CAMTA1: variants seen among roughly 807,000 people sequenced by gnomAD.
CAMTA1 encodes calmodulin binding transcription activator 1.
A neutral mutation model predicts 170.9 loss-of-function variants in CAMTA1; 27 were observed. The ratio of observed to expected loss-of-function variants is 0.16; its 90% CI spans 0.12 to 0.22. CAMTA1 has a LOEUF of 0.22. Among genes scored for constraint, CAMTA1 ranks in the 10% least tolerant of loss-of-function variants. The probability of loss-of-function intolerance (pLI) is 1.00; values close to 1 mark genes in which losing one functional copy is unlikely to be tolerated. For missense variants in CAMTA1, 1,619 were observed against 2,217.2 expected (o/e 0.73, Z 5.42); for synonymous variants, 833 against 891.5 (o/e 0.93, Z 1.17).
intron 5 of CAMTA1, among the ~76,000 whole-genome samples, chr1:7,308,063 T>TG (rs1286697895): frequency 6.8e-6 from 1 of 146,218 alleles, no homozygotes; most frequent in African/African-American, 2.7e-5. Flanking sequence ...TTGTTGTTGT[T>TG]TTTTTTTAAA....
intron 5 of CAMTA1, among the ~76,000 whole-genome samples, chr1:7,407,800 G>T (rs544176045): frequency 6.6e-6 from 1 of 152,072 alleles, no homozygotes; most frequent in South Asian, 2.1e-4. Flanking sequence ...ATGGATGTAG[G>T]TGACCAAGGC....
At chr1:6,940,392 C>T (rs1401205825) in intron 3 of CAMTA1, among the ~76,000 whole-genome samples, 1 of 151,908 alleles carries the variant, frequency 6.6e-6, no homozygotes, top group South Asian at 2.1e-4. Flanking sequence ...CACCTTTCTG[C>T]TCTACTCAGA....
chr1:7,555,219 G>A (rs1367099050), intron 6 of CAMTA1, among the ~76,000 whole-genome samples: 1 of 152,118 alleles, frequency 6.6e-6, no homozygotes, highest in Non-Finnish European at 1.5e-5. Context: ...TTTAGAACTA[G>A]AGGAAACTGA....
In CAMTA1 at chr1:7,293,973, C is replaced by G. The variant is rs1007492279; in HGVS notation, c.438+44347C>G. On this transcript the variant is annotated intron_variant, in intron 5 of 22. Coordinates refer to ENST00000303635, the MANE Select transcript of CAMTA1 (RefSeq NM_015215.4). The surrounding 1 kb of genome is among the most constrained non-coding windows in gnomAD (Gnocchi z 4.1). Reference sequence around the variant, plus strand: ...CACCTGTTAAAGCTTGCAAAGATATCATCGGCAGGCATTTTCCCAGGGGAA... The same window carrying G: ...CACCTGTTAAAGCTTGCAAAGATATGATCGGCAGGCATTTTCCCAGGGGAA... Among the ~76,000 whole-genome samples the G allele has an allele frequency of 6.6e-6, 1 of 152,226 alleles. No individual in the cohort carries two copies. Among genetic ancestry groups the G allele is most frequent in the African/African-American group, 2.4e-5 (1 of 41,466 alleles).
intron 5 of CAMTA1, among the ~76,000 whole-genome samples, chr1:7,295,933 C>T (rs1004180130): frequency 6.6e-6 from 1 of 152,256 alleles, no homozygotes; most frequent in East Asian, 1.9e-4. Context: ...GATCCTCCCA[C>T]TCAGGGCTCC....
At chr1:7,507,758 C>T (rs1208499109) in intron 6 of CAMTA1, among the ~76,000 whole-genome samples, 1 of 152,204 alleles carries the variant, frequency 6.6e-6, no homozygotes, top group East Asian at 1.9e-4. Flanking sequence ...CAGATAAGAG[C>T]AGACCTGGAC....
At chr1:7,750,193 T>G (rs1173200478) in intron 19 of CAMTA1, among the ~76,000 whole-genome samples, 1 of 152,156 alleles carries the variant, frequency 6.6e-6, no homozygotes, top group Non-Finnish European at 1.5e-5. Flanking sequence ...TTCAGACCAG[T>G]GAAAAGGTAA....
At chr1:7,614,667 G>GAAAC (rs1558005909) in intron 6 of CAMTA1, among the ~76,000 whole-genome samples, 1 of 152,020 alleles carries the variant, frequency 6.6e-6, no homozygotes, top group Non-Finnish European at 1.5e-5. Flanking sequence ...AACAAATTTC[G>GAAAC]AGAACCTATA....
intron 11 of CAMTA1, chr1:7,698,755 C>T (rs1558153346): frequency 6.6e-6 from 1 of 152,126 alleles, no homozygotes; most frequent in East Asian, 2.0e-4. Flanking sequence ...CCAGCAGGGA[C>T]TTTACAGACT....
intron 6 of CAMTA1, among the ~76,000 whole-genome samples, chr1:7,493,454 T>C (rs1164453043): frequency 6.8e-6 from 1 of 145,996 alleles, no homozygotes; most frequent in African/African-American, 2.6e-5. Flanking sequence ...CAAACACACG[T>C]GCAAACACAC....
At chr1:6,836,749 CAT>C (rs1466264129) in intron 3 of CAMTA1, among the ~76,000 whole-genome samples, 7 of 152,232 alleles carry the variant, frequency 4.6e-5, no homozygotes, top group African/African-American at 1.7e-4. Flanking sequence ...TAAAGGCTCT[CAT>C]GTGCAAGAAA....
intron 3 of CAMTA1, among the ~76,000 whole-genome samples, chr1:6,972,188 G>C (rs1025230939): frequency 6.6e-6 from 1 of 152,148 alleles, no homozygotes; most frequent in Non-Finnish European, 1.5e-5. Context: ...TGACTGCCCT[G>C]TCACCCCAGT....
intron 11 of CAMTA1, among the ~76,000 whole-genome samples, chr1:7,712,189 T>G (rs2096575945): frequency 1.3e-5 from 2 of 152,240 alleles, no homozygotes; most frequent in Non-Finnish European, 2.9e-5. Context: ...GTGAAGATTC[T>G]TAATTCACAG....
At chr1:7,103,950 C>T (rs1251849977) in intron 4 of CAMTA1, among the ~76,000 whole-genome samples, 1 of 149,222 alleles carries the variant, frequency 6.7e-6, no homozygotes, top group Admixed American at 6.7e-5. Flanking sequence ...ACAGCACACA[C>T]GTACATACAA....
At chr1:7,082,033 C>A (rs1196024851) in intron 3 of CAMTA1, among the ~76,000 whole-genome samples, 2 of 152,184 alleles carry the variant, frequency 1.3e-5, no homozygotes, top group African/African-American at 4.8e-5. Context: ...TCCATTTTCC[C>A]CACTCCCATG....
chr1:7,560,886 G>T (rs940383893), intron 6 of CAMTA1, among the ~76,000 whole-genome samples: 3 of 152,170 alleles, frequency 2.0e-5, no homozygotes, highest in African/African-American at 7.2e-5. Context: ...GGCTGGAGGT[G>T]ACAGGAAGGA....
At chr1:6,812,679 C>G (rs914345319) in intron 1 of CAMTA1, among the ~76,000 whole-genome samples, 3 of 151,972 alleles carry the variant, frequency 2.0e-5, no homozygotes, top group Non-Finnish European at 4.4e-5. Flanking sequence ...TATGAAAATT[C>G]TAATGATACT....
intron 5 of CAMTA1, among the ~76,000 whole-genome samples, chr1:7,407,701 C>T (rs777867737): frequency 1.3e-5 from 2 of 152,090 alleles, no homozygotes; most frequent in East Asian, 1.9e-4. Flanking sequence ...TGGGGATGCC[C>T]GTGCCAGCCT....
At chr1:7,068,415 G>A (rs947621300) in intron 3 of CAMTA1, among the ~76,000 whole-genome samples, 1 of 151,884 alleles carries the variant, frequency 6.6e-6, no homozygotes, top group African/African-American at 2.4e-5. Context: ...ACGGACATGA[G>A]TTTAAATTTG....
Sources: allele counts gnomAD v4.1 joint callset (sites outside exome capture counted in the v4.1 genomes callset), GRCh38; gene constraint gnomAD v4.1.1; non-coding constraint Gnocchi (gnomAD v3.1); transcripts MANE v1.5; gene names NCBI Gene and HGNC (gene_info 2026-07-23, HGNC 2026-07-21).